The following CDC42BPA variants were observed in gnomAD, a reference collection of about 807,000 sequenced individuals.
CDC42BPA encodes the protein serine/threonine-protein kinase MRCK alpha.
A neutral mutation model predicts 223.5 loss-of-function variants in CDC42BPA; 80 were observed. The observed-to-expected ratio is 0.36, with a 90% CI of 0.30 to 0.43. CDC42BPA has a LOEUF of 0.43. Ranked by LOEUF, CDC42BPA falls within the 20% of genes least tolerant of loss-of-function variation. The pLI is 1.00. For missense variants in CDC42BPA, 1,743 were observed against 2,099.9 expected, an observed-to-expected ratio of 0.83 and a Z score of 3.32; for synonymous variants, 694 against 718.6, an observed-to-expected ratio of 0.97 and a Z score of 0.55.
At chr1:227,080,566 G>C (rs1680429218) in intron 17 of CDC42BPA, among the ~76,000 whole-genome samples, 2 of 152,102 alleles carry the variant, frequency 1.3e-5, no homozygotes, top group South Asian at 4.1e-4. Context: ...TTTGGTCTTA[G>C]AAAGAAACAT....
chr1:227,057,303 T>C (rs572843084), intron 21 of CDC42BPA, among the ~76,000 whole-genome samples: 16 of 152,306 alleles, frequency 1.1e-4, no homozygotes, highest in Middle Eastern at 3.4e-3. Flanking sequence ...AATAGCATAC[T>C]AGAAACAAGA....
At chr1:227,288,657 T>C (rs1171798132) in intron 1 of CDC42BPA, among the ~76,000 whole-genome samples, 7 of 150,972 alleles carry the variant, frequency 4.6e-5, no homozygotes. Flanking sequence ...GACTGCACCA[T>C]TTCACTCCAG....
chr1:227,260,453 A>G (rs1340933820), intron 1 of CDC42BPA, among the ~76,000 whole-genome samples: 1 of 151,022 alleles, frequency 6.6e-6, no homozygotes, highest in Non-Finnish European at 1.5e-5. Flanking sequence ...CCAACAACAG[A>G]GTCTCCTTCA....
intron 15 of CDC42BPA, among the ~76,000 whole-genome samples, chr1:227,099,706 T>C (rs1316297835): frequency 1.3e-5 from 2 of 152,148 alleles, no homozygotes; most frequent in Non-Finnish European, 2.9e-5. Flanking sequence ...CTTCTCCATG[T>C]AGAATGCTCT....
intron 1 of CDC42BPA, among the ~76,000 whole-genome samples, chr1:227,315,296 A>G (rs1245098643): frequency 1.3e-5 from 2 of 152,112 alleles, no homozygotes; most frequent in East Asian, 3.8e-4. Context: ...AACATATTTA[A>G]TGGAAAATAT....
intron 1 of CDC42BPA, among the ~76,000 whole-genome samples, chr1:227,286,062 G>C (rs138917510): frequency 6.6e-6 from 1 of 152,020 alleles, no homozygotes; most frequent in African/African-American, 2.4e-5. Context: ...TCTTAATATC[G>C]GCACTTACCT....
At chr1:227,191,969 T>TTA (rs1553385739) in intron 5 of CDC42BPA, among the ~76,000 whole-genome samples, 12 of 148,032 alleles carry the variant, frequency 8.1e-5, no homozygotes, top group African/African-American at 3.0e-4. Flanking sequence ...AAATTTAAAT[T>TTA]AAAAAAAAAA....
At chr1:227,048,939 T>C (rs1673011389) in intron 22 of CDC42BPA, among the ~76,000 whole-genome samples, 1 of 151,944 alleles carries the variant, frequency 6.6e-6, no homozygotes, top group Non-Finnish European at 1.5e-5. Flanking sequence ...CAACAATCTA[T>C]CTTTGTTACC....
intron 2 of CDC42BPA, among the ~76,000 whole-genome samples, chr1:227,249,647 G>C (rs1483428954): frequency 6.6e-6 from 1 of 152,134 alleles, no homozygotes; most frequent in Non-Finnish European, 1.5e-5. Flanking sequence ...GATTTGAATA[G>C]ACCTTTCTAT....
In CDC42BPA at chr1:227,024,765, C is replaced by T. The variant is rs1667955267; in HGVS notation, c.4530+1290G>A. Among the ~76,000 whole-genome samples, 3 of 152,208 alleles carry T rather than the reference C, an allele frequency of 2.0e-5. No individual in the cohort carries two copies. In the South Asian group the frequency reaches 6.2e-4, roughly 32 times the overall value. On this transcript the variant is annotated intron_variant, in intron 31 of 36. Transcript: ENST00000366766. The stretch of plus-strand genomic sequence containing the variant: ...TATTATTTAGGGATACTTAAATATG[C>T]AAAAATTCTGTATTTTAAGAAAAGC...
At chr1:227,071,776 C>A (rs1294263728) in intron 20 of CDC42BPA, among the ~76,000 whole-genome samples, 1 of 124,594 alleles carries the variant, frequency 8.0e-6, no homozygotes, top group African/African-American at 3.1e-5. Flanking sequence ...AATACTTGTT[C>A]AAGTACCCTT....
At chr1:227,309,563 A>T (rs773215837) in intron 1 of CDC42BPA, among the ~76,000 whole-genome samples, 15 of 152,242 alleles carry the variant, frequency 9.9e-5, no homozygotes, top group Non-Finnish European at 2.1e-4. Flanking sequence ...GCAAAAAACA[A>T]TACTTAACAC....
At chr1:227,045,267 C>G (rs1672203657) in intron 23 of CDC42BPA, among the ~76,000 whole-genome samples, 2 of 152,174 alleles carry the variant, frequency 1.3e-5, no homozygotes, top group Admixed American at 6.5e-5. Flanking sequence ...GACAGGGAAT[C>G]AAAAATTCTA....
intron 5 of CDC42BPA, chr1:227,178,449 ACC>A (rs879265509): frequency 3.3e-5 from 5 of 152,380 alleles, no homozygotes; most frequent in Non-Finnish European, 5.8e-5. Flanking sequence ...GTCCAATTAA[ACC>A]TCTTTCTTTT....
intron 1 of CDC42BPA, among the ~76,000 whole-genome samples, chr1:227,283,371 T>C (rs1198902199): frequency 1.3e-5 from 2 of 152,194 alleles, no homozygotes; most frequent in African/African-American, 4.8e-5. Flanking sequence ...AATGGCAGGC[T>C]TACTCTTCAT....
chr1:227,179,184 CAG>C (rs1298206176), intron 5 of CDC42BPA, among the ~76,000 whole-genome samples: 2 of 152,090 alleles, frequency 1.3e-5, no homozygotes, highest in African/African-American at 4.8e-5. Context: ...AATAGGGAAA[CAG>C]GGTGTAGAGA....
At chr1:227,220,290 A>T (rs1558796232) in intron 2 of CDC42BPA, among the ~76,000 whole-genome samples, 1 of 90,798 alleles carries the variant, frequency 1.1e-5, no homozygotes, top group South Asian at 3.5e-4. Context: ...TGTTATATAT[A>T]TATATATATA....
At chr1:227,232,666 T>G (rs1353166570) in intron 2 of CDC42BPA, among the ~76,000 whole-genome samples, 1 of 152,206 alleles carries the variant, frequency 6.6e-6, no homozygotes, top group Non-Finnish European at 1.5e-5. Flanking sequence ...CTGTTGGAGT[T>G]TGCTGGAGGT....
intron 17 of CDC42BPA, among the ~76,000 whole-genome samples, chr1:227,077,053 A>G (rs1405217132): frequency 1.3e-5 from 2 of 152,184 alleles, no homozygotes; most frequent in Non-Finnish European, 2.9e-5. Context: ...TCAAATGATC[A>G]ATTAGTTAAT....
Sources: gnomAD v4.1 joint callset for allele counts (sites outside exome capture counted in the v4.1 genomes callset) on GRCh38, gnomAD v4.1.1 for gene constraint, MANE v1.5 for transcripts, NCBI Gene and HGNC (gene_info 2026-07-23, HGNC 2026-07-21) for gene names.